The following MACO1 variants were observed in gnomAD, a reference collection of about 807,000 sequenced individuals.
The protein encoded by MACO1 is macoilin 1, also known as macoilin.
In MACO1, 14 loss-of-function variants were observed where a neutral mutation model predicts 78.7. The observed-to-expected ratio is 0.18, with a 90% CI of 0.12 to 0.28. The LOEUF (loss-of-function observed/expected upper bound fraction) is 0.28, where lower values mean the gene tolerates loss of function less well. Ranked by LOEUF, MACO1 falls within the 10% of genes least tolerant of loss-of-function variation. The pLI is 1.00. For missense variants in MACO1, 501 were observed against 799.0 expected, an observed-to-expected ratio of 0.63 and a Z score of 4.50; for synonymous variants, 288 against 291.6, an observed-to-expected ratio of 0.99 and a Z score of 0.12.
intron 9 of MACO1, 65 bp from the exon 10 acceptor site, chr1:25,491,345 G>A: frequency 6.3e-7 from 1 of 1,593,536 alleles, no homozygotes; most frequent in Non-Finnish European, 8.6e-7. Context: ...TGTGATTTCA[G>A]GCTAATTTAT....
chr1:25,457,937 C>T (rs2043136488), intron 5 of MACO1, among the ~76,000 whole-genome samples: 1 of 152,142 alleles, frequency 6.6e-6, no homozygotes, highest in Non-Finnish European at 1.5e-5. Context: ...AATTATTCCT[C>T]TTCTTTTGTT....
chr1:25,454,468 GTGTA>G (rs1484605980), intron 4 of MACO1, 86 bp downstream of exon 4: 104 of 152,948 alleles, frequency 6.8e-4, no homozygotes, highest in Middle Eastern at 3.1e-3. Flanking sequence ...GTGTGTGTGT[GTGTA>G]TATATATATA....
chr1:25,491,259 T>C, intron 9 of MACO1, 151 bp from the exon 10 acceptor site: 1 of 912,336 alleles, frequency 1.1e-6, no homozygotes, highest in Non-Finnish European at 1.6e-6. Flanking sequence ...TATAAACACA[T>C]TTAGCACTTG....
intron 4 of MACO1, among the ~76,000 whole-genome samples, chr1:25,456,301 T>C (rs2043120067): frequency 6.6e-6 from 1 of 151,758 alleles, no homozygotes; most frequent in Non-Finnish European, 1.5e-5. Context: ...TAAGTTCTAA[T>C]GCATAAGGCA....
At chr1:25,463,586 A>G (rs2043189821) in intron 6 of MACO1, among the ~76,000 whole-genome samples, 1 of 152,284 alleles carries the variant, frequency 6.6e-6, no homozygotes, top group East Asian at 1.9e-4. Context: ...AGAAAAAGCA[A>G]TGAGGAAGAT....
chr1:25,484,081 C>G, intron 6 of MACO1, 35 bp from the exon 7 acceptor site: 1 of 1,582,050 alleles, frequency 6.3e-7, no homozygotes, highest in Non-Finnish European at 8.6e-7. Context: ...GGTGCCCTCA[C>G]CTAGATGAAA....
chr1:25,498,202 C>CT (rs2043554510), intron 10 of MACO1, 62 bp from the exon 11 acceptor site: 1 of 1,575,086 alleles, frequency 6.3e-7, no homozygotes, highest in Non-Finnish European at 8.7e-7. Context: ...GGATTGGCCC[C>CT]TGGGGACATT....
chr1:25,469,746 C>G (rs1263496806), intron 6 of MACO1, among the ~76,000 whole-genome samples: 4 of 150,680 alleles, frequency 2.7e-5, no homozygotes, highest in Non-Finnish European at 4.4e-5. Flanking sequence ...AAGTGATTCT[C>G]CTGCCTCAGC....
At chr1:25,439,986 C>T (rs34183825) in intron 1 of MACO1, among the ~76,000 whole-genome samples, 1 of 146,408 alleles carries the variant, frequency 6.8e-6, no homozygotes, top group South Asian at 2.1e-4. Flanking sequence ...CCATTGCATT[C>T]TAGCCTGGGC....
At chr1:25,436,654 T>C (rs993261472) in intron 1 of MACO1, among the ~76,000 whole-genome samples, 2 of 152,232 alleles carry the variant, frequency 1.3e-5, no homozygotes, top group Non-Finnish European at 1.5e-5. Flanking sequence ...GTAGTGACTT[T>C]TCAAAGCCTC....
At chr1:25,460,839 A>G (rs550445374) in intron 6 of MACO1, among the ~76,000 whole-genome samples, 1 of 152,226 alleles carries the variant, frequency 6.6e-6, no homozygotes, top group Admixed American at 6.5e-5. Flanking sequence ...GCCTTGACCT[A>G]CAGTGTCCCA....
At position 25,490,351 on chromosome 1, in the gene MACO1, G is replaced by T. The variant is rs984960609; in HGVS notation, c.1617+1058G>T. On this transcript the variant is annotated intron_variant, in intron 9 of 10. Transcript: ENST00000374343. ...CAGAGGAAATACAGGTGACTGATAA[G>T]ATCATAAAAATATAAACTCACCAAT... 1.3e-4 allele frequency among the ~76,000 whole-genome samples: 20 copies of T among 152,104 alleles called. 1 individual carries two copies. The highest frequency in any genetic ancestry group is 6.5e-5 in the Admixed American group (1 of 15,274).
At chr1:25,432,473 G>C (rs1349524784) in intron 1 of MACO1, among the ~76,000 whole-genome samples, 1 of 152,220 alleles carries the variant, frequency 6.6e-6, no homozygotes, top group African/African-American at 2.4e-5. Context: ...TATGTGCCAG[G>C]AACATTTCTA....
In MACO1 at chr1:25,481,905, C is replaced by T. The variant is rs115768036; in HGVS notation, c.1155-2211C>T. 8.1e-3 allele frequency among the ~76,000 whole-genome samples: 1,229 copies of T among 152,278 alleles called. 23 individuals are homozygous for T. The highest frequency in any genetic ancestry group is 0.027 in the African/African-American group (1,126 of 41,556). On this transcript the variant is annotated intron_variant, in intron 6 of 10. Transcript: ENST00000374343. ...CAGGAGGACTGGCTACTTGCACCTG[C>T]AGGGTGACTGTCAGTGTTTTATGAT...
intron 1 of MACO1, among the ~76,000 whole-genome samples, chr1:25,442,446 A>G (rs10903129): frequency 0.57 from 86,549 of 151,980 alleles, 25,592 homozygotes; most frequent in African/African-American, 0.71. Context: ...TGAGGACCAA[A>G]TGAACTAAAT....
At chr1:25,477,064 A>G (rs776287716) in intron 6 of MACO1, among the ~76,000 whole-genome samples, 32 of 152,224 alleles carry the variant, frequency 2.1e-4, no homozygotes, top group Non-Finnish European at 3.1e-4. Context: ...TAGAAATACA[A>G]TACAGTCACA....
chr1:25,486,289 G>GA (rs202152901), intron 8 of MACO1, among the ~76,000 whole-genome samples: 52 of 150,572 alleles, frequency 3.5e-4, no homozygotes, highest in Admixed American at 2.6e-3. Flanking sequence ...AAATGAAATG[G>GA]AAAAAAAAAG....
intron 6 of MACO1, among the ~76,000 whole-genome samples, chr1:25,483,095 G>C (rs1363611991): frequency 6.6e-6 from 1 of 152,178 alleles, no homozygotes; most frequent in African/African-American, 2.4e-5. Flanking sequence ...TTGTCACCCA[G>C]GCTGGAGTGC....
At chr1:25,435,918 A>AT (rs1422807247) in intron 1 of MACO1, among the ~76,000 whole-genome samples, 1 of 152,208 alleles carries the variant, frequency 6.6e-6, no homozygotes, top group Non-Finnish European at 1.5e-5. Flanking sequence ...TTTCATTATG[A>AT]TTCTTCCTGT....
Sources: allele counts gnomAD v4.1 joint callset (sites outside exome capture counted in the v4.1 genomes callset), GRCh38; gene constraint gnomAD v4.1.1; transcripts MANE v1.5; gene names NCBI Gene and HGNC (gene_info 2026-07-23, HGNC 2026-07-21).